ERCC6L2: variants seen among roughly 807,000 people sequenced by gnomAD.
ERCC6L2 encodes ERCC excision repair 6 like 2, also known as DNA excision repair protein ERCC-6-like 2.
ERCC6L2 carries 77 observed loss-of-function variants against 132.0 expected under a neutral mutation model. The observed-to-expected ratio is 0.58, with a 90% confidence interval of 0.49 to 0.71. The LOEUF (loss-of-function observed/expected upper bound fraction) is 0.71, where lower values mean the gene tolerates loss of function less well. ERCC6L2 is among the 30% of genes least tolerant of loss of function. ERCC6L2 has a pLI of 0.00. For missense variants in ERCC6L2, 1,542 were observed against 1,837.6 expected, an observed-to-expected ratio of 0.84 and a Z score of 2.94; for synonymous variants, 583 against 632.4, an observed-to-expected ratio of 0.92 and a Z score of 1.17.
At chr9:95,884,465 G>C (rs1350098086) in intron 2 of ERCC6L2, among the ~76,000 whole-genome samples, 1 of 150,336 alleles carries the variant, frequency 6.7e-6, no homozygotes, top group Non-Finnish European at 1.5e-5. Flanking sequence ...TACTGTTTGA[G>C]CTATAGTTTT....
intron 10 of ERCC6L2, 123 bp downstream of exon 10, chr9:95,928,273 GT>G (rs765574117): frequency 1.8e-6 from 1 of 567,458 alleles, no homozygotes. Context: ...GTAGGAAATA[GT>G]GAGGTAAGCA....
chr9:96,006,905 C>T (rs1463715548), intron 18 of ERCC6L2, among the ~76,000 whole-genome samples: 1 of 152,046 alleles, frequency 6.6e-6, no homozygotes. Flanking sequence ...GTGTTAAGTT[C>T]CCATTTGAGA....
chr9:95,923,652 C>T (rs763003656), intron 9 of ERCC6L2, among the ~76,000 whole-genome samples: 14 of 152,082 alleles, frequency 9.2e-5, no homozygotes, highest in Admixed American at 6.5e-4. Flanking sequence ...TCTTAAAATG[C>T]GTGTGCTGTT....
chr9:96,022,646 C>T (rs1268062292), downstream of ERCC6L2, among the ~76,000 whole-genome samples: 4 of 152,180 alleles, frequency 2.6e-5, no homozygotes, highest in South Asian at 6.2e-4. Context: ...CCGGGCCAGA[C>T]GGCAGCGAGT....
intron 3 of ERCC6L2, among the ~76,000 whole-genome samples, chr9:95,900,469 A>C (rs1164240618): frequency 6.6e-6 from 1 of 152,104 alleles, no homozygotes; most frequent in Non-Finnish European, 1.5e-5. Context: ...AGTCTTTTCT[A>C]AATTATCTGT....
chr9:95,887,514 C>T (rs1827936571), intron 2 of ERCC6L2, among the ~76,000 whole-genome samples: 1 of 152,182 alleles, frequency 6.6e-6, no homozygotes, highest in East Asian at 1.9e-4. Context: ...TTTATTTTCT[C>T]ATCTGCTATG....
chr9:96,034,968 G>A (rs1212104732), intron 19 of ERCC6L2, among the ~76,000 whole-genome samples: 2 of 152,130 alleles, frequency 1.3e-5, no homozygotes, highest in African/African-American at 2.4e-5. Flanking sequence ...GAGCTCCCTG[G>A]GTACAGTTGC....
intron 20 of ERCC6L2, among the ~76,000 whole-genome samples, chr9:96,040,160 C>A (rs550388058): frequency 6.6e-6 from 1 of 152,062 alleles, no homozygotes; most frequent in African/African-American, 2.4e-5. Flanking sequence ...CTGCCCCCCC[C>A]CAAGCACCCC....
At chr9:96,004,033 C>T (rs1833778556) in intron 17 of ERCC6L2, among the ~76,000 whole-genome samples, 1 of 152,170 alleles carries the variant, frequency 6.6e-6, no homozygotes, top group Non-Finnish European at 1.5e-5. Context: ...AATATTCTTG[C>T]AACCCAGCAG....
chr9:96,030,376 A>T (rs1164422712), intron 19 of ERCC6L2, among the ~76,000 whole-genome samples: 1 of 151,902 alleles, frequency 6.6e-6, no homozygotes. Context: ...CTTCACAATA[A>T]ATCTTGGTGT....
At chr9:96,019,105 C>A (rs1483704339), downstream of ERCC6L2, among the ~76,000 whole-genome samples, 1 of 151,284 alleles carries the variant, frequency 6.6e-6, no homozygotes, top group Non-Finnish European at 1.5e-5. Context: ...TCTTGTCAGA[C>A]TAAAATGTCT....
chr9:95,950,931 T>C (rs886089723), intron 12 of ERCC6L2, among the ~76,000 whole-genome samples: 1 of 152,048 alleles, frequency 6.6e-6, no homozygotes, highest in Non-Finnish European at 1.5e-5. Flanking sequence ...AGACAGAAGA[T>C]CAATAAGTAA....
chr9:95,909,569 T>C (rs1829243952), intron 4 of ERCC6L2, among the ~76,000 whole-genome samples: 1 of 152,212 alleles, frequency 6.6e-6, no homozygotes. Flanking sequence ...CACCCTTTTG[T>C]GTGTGTCGCA....
In ERCC6L2 at chr9:96,015,018, T is replaced by TTG. The variant is rs1834151607; in HGVS notation, c.*1816_*1817insGT. On this transcript the variant is annotated 3_prime_UTR_variant, in exon 19 of 19. Coordinates refer to ENST00000653738, the MANE Select transcript of ERCC6L2 (RefSeq NM_020207.7). ...CTATAGTCTTCATATATGTACAGTT[T>TTG]TTTTTTTTTTTTTTTTTTTTTTGAG... Among the ~76,000 whole-genome samples, 1 of 116,822 alleles carries TTG rather than the reference T, an allele frequency of 8.6e-6. No individual in the cohort carries two copies. The highest frequency in any genetic ancestry group is 1.7e-5 in the Non-Finnish European group (1 of 57,822). The allele number at this position is 116,822 out of a possible 152,430, so 76.6% of individuals were successfully genotyped here. A position where few individuals can be genotyped will look rare whatever the true frequency, so the allele number is the denominator to read the frequency against.
intron 17 of ERCC6L2, among the ~76,000 whole-genome samples, chr9:95,985,393 TCTC>T (rs1489919941): frequency 2.0e-5 from 3 of 152,136 alleles, no homozygotes; most frequent in Non-Finnish European, 4.4e-5. Context: ...ACAAGTTAAG[TCTC>T]CTCAACTCTT....
At chr9:95,959,745 A>G (rs1587980483) in intron 13 of ERCC6L2, among the ~76,000 whole-genome samples, 1 of 152,044 alleles carries the variant, frequency 6.6e-6, no homozygotes. Context: ...TCAAAAAAAA[A>G]TTATGTTCTT....
intron 11 of ERCC6L2, among the ~76,000 whole-genome samples, chr9:95,930,432 C>G (rs1048235908): frequency 2.0e-5 from 3 of 152,056 alleles, no homozygotes; most frequent in African/African-American, 7.2e-5. Context: ...TAGTTTCTAT[C>G]ATTTTGCAAG....
chr9:96,001,907 C>A (rs938496514), intron 17 of ERCC6L2, among the ~76,000 whole-genome samples: 2 of 152,248 alleles, frequency 1.3e-5, no homozygotes, highest in African/African-American at 4.8e-5. Flanking sequence ...AGCGTAGCAC[C>A]AGTGGGCCAG....
At chr9:95,886,082 C>G (rs1467762997) in intron 2 of ERCC6L2, among the ~76,000 whole-genome samples, 1 of 152,114 alleles carries the variant, frequency 6.6e-6, no homozygotes, top group East Asian at 1.9e-4. Context: ...GTAGCGAGAT[C>G]TCGGCTCACT....
Sources: allele counts gnomAD v4.1 joint callset (sites outside exome capture counted in the v4.1 genomes callset), GRCh38; gene constraint gnomAD v4.1.1; transcripts MANE v1.5; gene names NCBI Gene and HGNC (gene_info 2026-07-23, HGNC 2026-07-21).